Variants in OSBPL10 observed in about 807,000 individuals in gnomAD.
OSBPL10 encodes the protein oxysterol binding protein like 10.
Under a neutral mutation model 81.7 loss-of-function variants are expected in OSBPL10, and 49 were observed. That is an observed-to-expected ratio of 0.60 (90% confidence interval 0.48 to 0.76). The LOEUF is 0.76. OSBPL10 is among the 30% of genes least tolerant of loss of function. OSBPL10 has a pLI of 0.00. For missense variants in OSBPL10, 923 were observed against 987.8 expected (o/e 0.93, Z 0.88); for synonymous variants, 419 against 383.6 (o/e 1.09, Z -1.08).
At chr3:31,918,675 T>A (rs1019436100) in intron 1 of OSBPL10, among the ~76,000 whole-genome samples, 2 of 152,040 alleles carry the variant, frequency 1.3e-5, no homozygotes, top group African/African-American at 4.8e-5. Context: ...GTGTATGGGG[T>A]AGACCAGGTG....
chr3:32,010,613 G>A (rs981698157), intron 2 of OSBPL10, among the ~76,000 whole-genome samples: 6 of 152,270 alleles, frequency 3.9e-5, no homozygotes, highest in Admixed American at 6.5e-5. Flanking sequence ...TGGGTGCAGC[G>A]CACTGAGCAT....
intron 6 of OSBPL10, chr3:31,704,759 T>G (rs1047014962): frequency 1.3e-5 from 2 of 152,138 alleles, no homozygotes; most frequent in Admixed American, 1.3e-4. Context: ...TCTTTCCCAC[T>G]CACTGCTACA....
chr3:31,705,551 G>A (rs945055869), intron 6 of OSBPL10, among the ~76,000 whole-genome samples: 6 of 152,310 alleles, frequency 3.9e-5, no homozygotes, highest in South Asian at 4.2e-4. Context: ...TGAAGAAGCA[G>A]GTCTTGATGG....
At chr3:31,687,258 G>A (rs905483984) in intron 7 of OSBPL10, among the ~76,000 whole-genome samples, 4 of 152,024 alleles carry the variant, frequency 2.6e-5, no homozygotes, top group Non-Finnish European at 4.4e-5. Context: ...ACCTTGGCTC[G>A]TGTCTTTTTC....
intron 2 of OSBPL10, among the ~76,000 whole-genome samples, chr3:31,999,882 C>T (rs1699128275): frequency 2.0e-5 from 3 of 152,056 alleles, no homozygotes; most frequent in African/African-American, 7.2e-5. Context: ...GCCTGAAAAC[C>T]GAACCTTAAA....
At chr3:32,076,087 T>C (rs1291366695) in intron 1 of OSBPL10, among the ~76,000 whole-genome samples, 1 of 152,072 alleles carries the variant, frequency 6.6e-6, no homozygotes, top group Non-Finnish European at 1.5e-5. Flanking sequence ...ACTAATGATA[T>C]GGCCAGGCGC....
chr3:31,861,567 G>C (rs537534160), intron 3 of OSBPL10, among the ~76,000 whole-genome samples: 1 of 152,054 alleles, frequency 6.6e-6, no homozygotes, highest in South Asian at 2.1e-4. Context: ...TAGAAACTCA[G>C]AATTTAAATT....
intron 2 of OSBPL10, among the ~76,000 whole-genome samples, chr3:32,017,946 C>T (rs559833926): frequency 2.4e-4 from 36 of 151,986 alleles, no homozygotes; most frequent in Middle Eastern, 3.4e-3. Flanking sequence ...GTCAGGAGTT[C>T]GAGACCAGCC....
intron 1 of OSBPL10, chr3:31,906,720 G>A (rs1696417654): frequency 6.6e-6 from 1 of 152,220 alleles, no homozygotes; most frequent in South Asian, 2.1e-4. Context: ...AGGAAGAAAA[G>A]GTGAGAACCA....
rs575083128 is a variant in OSBPL10, at chr3:31,836,544, C to G, written c.538-6313G>C. 8.2e-4 allele frequency among the ~76,000 whole-genome samples: 116 copies of G among 141,122 alleles called. 2 individuals carry two copies. The highest frequency in any genetic ancestry group is 1.4e-4 in the Non-Finnish European group (9 of 64,626). The allele number at this position is 141,122 out of a possible 152,430, so 92.6% of individuals were successfully genotyped here. A position where few individuals can be genotyped will look rare whatever the true frequency, so the allele number is the denominator to read the frequency against. On this transcript the variant is annotated intron_variant, in intron 3 of 11. Transcript: ENST00000396556. ...ATCCACCAATCATCTAACCCCCCTC[C>G]TCTACCCCCCTGCCAATAAATCCTG... is the stretch of plus-strand genomic sequence containing the variant.
At chr3:31,870,220 C>A (rs187455431) in intron 3 of OSBPL10, among the ~76,000 whole-genome samples, 1 of 152,352 alleles carries the variant, frequency 6.6e-6, no homozygotes, top group African/African-American at 2.4e-5. Context: ...TCCGAGCAGC[C>A]GGCGGGCCTC....
intron 8 of OSBPL10, among the ~76,000 whole-genome samples, chr3:31,676,348 C>T (rs1700474543): frequency 6.7e-6 from 1 of 149,576 alleles, no homozygotes; most frequent in Non-Finnish European, 1.5e-5. Flanking sequence ...CAAATGGGAT[C>T]ACAAATATAA....
intron 1 of OSBPL10, among the ~76,000 whole-genome samples, chr3:31,905,368 T>TTTTTTTTTTTTTTTTTTA (rs869077578): frequency 6.1e-5 from 9 of 148,188 alleles, no homozygotes; most frequent in African/African-American, 2.3e-4. Context: ...TTTTTTTTTT[T>TTTTTTTTTTTTTTTTTTA]AGACGGACTC....
At chr3:32,049,004 A>T (rs1699648198) in intron 1 of OSBPL10, among the ~76,000 whole-genome samples, 1 of 151,714 alleles carries the variant, frequency 6.6e-6, no homozygotes, top group Non-Finnish European at 1.5e-5. Context: ...TACAAATGCC[A>T]TTGCAACATC....
At chr3:31,708,874 G>C in intron 6 of OSBPL10, 1 of 985,462 alleles carries the variant, frequency 1.0e-6, no homozygotes, top group Non-Finnish European at 1.2e-6. Flanking sequence ...GCCGAAGACA[G>C]AAGCTGTGGA....
At chr3:31,882,667 A>ACG (rs993765540) in intron 1 of OSBPL10, among the ~76,000 whole-genome samples, 6 of 152,198 alleles carry the variant, frequency 3.9e-5, no homozygotes, top group East Asian at 1.9e-4. Flanking sequence ...GTGTGCACAC[A>ACG]CGCACACACA....
chr3:32,067,306 C>G (rs1486242826), intron 1 of OSBPL10, among the ~76,000 whole-genome samples: 1 of 152,096 alleles, frequency 6.6e-6, no homozygotes, highest in Non-Finnish European at 1.5e-5. Context: ...TGGGAAGGGA[C>G]CCCTTCTGTG....
chr3:31,811,496 G>T lies in OSBPL10; in HGVS notation c.729+18544C>A, dbSNP rs984016915. 1.3e-5 allele frequency among the ~76,000 whole-genome samples: 2 copies of T among 152,182 alleles called. 1 individual carries two copies. The highest frequency in any genetic ancestry group is 4.1e-4 in the South Asian group (2 of 4,832). ...ATCACAGGGAGGGTTCTGGCCTGGA[G>T]CCTGTGCCTCAAAGAAAGGAGTGTT... On this transcript the variant is annotated intron_variant, in intron 4 of 11. Coordinates refer to ENST00000396556, the MANE Select transcript of OSBPL10 (RefSeq NM_017784.5).
intron 1 of OSBPL10, among the ~76,000 whole-genome samples, chr3:31,900,263 G>A (rs141379337): frequency 2.0e-5 from 3 of 151,850 alleles, no homozygotes; most frequent in Admixed American, 6.6e-5. Flanking sequence ...GGCTGGTCTC[G>A]AACTCCTCAG....
Sources: allele counts gnomAD v4.1 joint callset (sites outside exome capture counted in the v4.1 genomes callset), GRCh38; gene constraint gnomAD v4.1.1; transcripts MANE v1.5; gene names NCBI Gene and HGNC (gene_info 2026-07-23, HGNC 2026-07-21).